MYLK: variants seen among roughly 807,000 people sequenced by gnomAD.
MYLK encodes the protein myosin light chain kinase, smooth muscle.
MYLK carries 106 observed loss-of-function variants against 203.4 expected under a neutral mutation model. That is an observed-to-expected ratio of 0.52 (90% CI 0.45 to 0.61). The LOEUF (loss-of-function observed/expected upper bound fraction) is 0.61, where lower values mean the gene tolerates loss of function less well. MYLK is among the 20% of genes least tolerant of loss of function. MYLK has a pLI of 0.00. For missense variants in MYLK, 2,072 were observed against 2,442.3 expected (o/e 0.85, Z 3.20); for synonymous variants, 867 against 959.5 (o/e 0.90, Z 1.78).
At position 123,618,743 on chromosome 3, in the gene MYLK, G is replaced by A; in HGVS notation, c.5396C>T (p.Ala1799Val). The A allele has an allele frequency of 1.2e-6, 2 of 1,614,152 alleles. No individual in the cohort carries two copies. Among genetic ancestry groups the A allele is most frequent in the Non-Finnish European group, 1.7e-6 (2 of 1,180,002 alleles). Reference sequence around the variant, plus strand: ...TACATGAGGCTTTTCCTCAGCAACAGCCTCAAGGAAAGCTTGGGACACATC... The same window carrying A: ...TACATGAGGCTTTTCCTCAGCAACAACCTCAAGGAAAGCTTGGGACACATC... Reference protein sequence around the residue: ...EEDVSQAFLEAVAEEKPHVKP... With the variant: ...EEDVSQAFLEVVAEEKPHVKP... Residue 1799 changes from alanine to valine, a missense_variant, in exon 33 of 34, where the codon GCT becomes GTT. Coordinates refer to ENST00000360304, the MANE Select transcript of MYLK (RefSeq NM_053025.4).
chr3:123,820,664 C>CTCCTTCCTTCCTTCCTTCCTTCCCTCCT, intron 3 of MYLK, among the ~76,000 whole-genome samples: 1 of 72,318 alleles, frequency 1.4e-5, no homozygotes, highest in South Asian at 4.2e-4. Context: ...CCTTCCTTCC[C>CTCCTTCCTTCCTTCCTTCCTTCCCTCCT]TCCTTCCTTC....
intron 2 of MYLK, among the ~76,000 whole-genome samples, chr3:123,867,600 T>C (rs879275382): frequency 8.6e-5 from 13 of 152,030 alleles, no homozygotes; most frequent in African/African-American, 3.1e-4. Context: ...TGGCAGCCAC[T>C]AGAAGCCAGA....
In MYLK at chr3:123,618,772, T is replaced by C. The variant is rs757266574; in HGVS notation, c.5369-2A>G. The C allele has an allele frequency of 3.7e-6, 6 of 1,614,078 alleles. No individual in the cohort carries two copies. Among genetic ancestry groups the C allele is most frequent in the Non-Finnish European group, 5.1e-6 (6 of 1,179,962 alleles). ...CAAGGAAAGCTTGGGACACATCTTC[T>C]AGAAGACAGAGAAGAAGACCAGGTC... On this transcript the variant is annotated splice_acceptor_variant, in intron 32 of 33. Coordinates refer to ENST00000360304, the MANE Select transcript of MYLK (RefSeq NM_053025.4). LOFTEE classifies it high-confidence loss of function.
Position 123,614,043 on chromosome 3 carries a change from TTG to T in MYLK, c.*60_*61del. The T allele has an allele frequency of 1.3e-6, 2 of 1,569,348 alleles. No individual in the cohort carries two copies. Among genetic ancestry groups the T allele is most frequent in the Admixed American group, 1.8e-5 (1 of 54,690 alleles). On this transcript the variant is annotated 3_prime_UTR_variant, in exon 34 of 34. Coordinates refer to ENST00000360304, the MANE Select transcript of MYLK (RefSeq NM_053025.4). The stretch of plus-strand genomic sequence containing the variant: ...ACTATCTTGAGTTTTTTTTTTTTTT[TTG>T]AGTTTTAGAGAAATAGTCCTTTTAA...
intron 5 of MYLK, among the ~76,000 whole-genome samples, chr3:123,744,638 G>T (rs975601074): frequency 1.3e-5 from 2 of 152,058 alleles, no homozygotes; most frequent in African/African-American, 4.8e-5. Flanking sequence ...AGGACTTCAA[G>T]GTAAAATCTC....
rs575812076 is a variant in MYLK, at chr3:123,640,881, C to T, written c.4620-377G>A. Among the ~76,000 whole-genome samples the T allele has an allele frequency of 1.3e-5, 2 of 152,318 alleles. No individual in the cohort carries two copies. Among genetic ancestry groups the T allele is most frequent in the East Asian group, 1.9e-4 (1 of 5,182 alleles). ...TAAGGGAACATTCTTGTACTCTAGCCGTGTCTTTTAGTCACAGGGAACTCA... is the reference window on the plus strand; with the variant it reads ...TAAGGGAACATTCTTGTACTCTAGCTGTGTCTTTTAGTCACAGGGAACTCA... On this transcript the variant is annotated intron_variant, in intron 27 of 33. Transcript: ENST00000360304. The surrounding 1 kb of genome is among the most constrained non-coding windows in gnomAD (Gnocchi z 4.3).
intron 18 of MYLK, among the ~76,000 whole-genome samples, chr3:123,695,550 T>C (rs1448154053): frequency 6.6e-6 from 1 of 152,184 alleles, no homozygotes; most frequent in African/African-American, 2.4e-5. Flanking sequence ...AGATAATATA[T>C]AGTTTCTGAA....
At chr3:123,799,643 G>A (rs754993954) in intron 3 of MYLK, among the ~76,000 whole-genome samples, 13 of 152,200 alleles carry the variant, frequency 8.5e-5, no homozygotes, top group East Asian at 3.9e-4. Context: ...AACCACCCAC[G>A]TGCAAATGCC....
Position 123,819,312 on chromosome 3 carries a change from C to T in MYLK, c.-4+12236G>A, listed in dbSNP as rs186835825. Among the ~76,000 whole-genome samples the T allele has an allele frequency of 2.6e-5, 4 of 152,280 alleles. No homozygotes were observed. In the East Asian group the frequency reaches 7.7e-4, roughly 29 times the overall value. ...CACTTACTGTTCATTACAGAGCTCT[C>T]AAGTTCCCTAGGCTCAGGAATTCTC... On this transcript the variant is annotated intron_variant, in intron 3 of 33. Transcript: ENST00000360304.
At chr3:123,726,142 C>A in intron 11 of MYLK, 64 bp from the exon 12 acceptor site, 1 of 1,605,354 alleles carries the variant, frequency 6.2e-7, no homozygotes, top group South Asian at 1.1e-5. Context: ...TGCCTGCAGT[C>A]ACCCCAGCCT....
chr3:123,822,127 G>A (rs1308623943), intron 3 of MYLK, among the ~76,000 whole-genome samples: 1 of 152,198 alleles, frequency 6.6e-6, no homozygotes, highest in Non-Finnish European at 1.5e-5. Flanking sequence ...CTGGCAAGAA[G>A]CCAGCCCTTG....
chr3:123,814,027 T>C (rs542851936), intron 3 of MYLK: 13 of 190,744 alleles, frequency 6.8e-5, no homozygotes, highest in African/African-American at 2.1e-4. Context: ...ATCACTCCCA[T>C]GTCTCCCTAA....
intron 5 of MYLK, among the ~76,000 whole-genome samples, chr3:123,747,336 C>T (rs188191128): frequency 1.3e-5 from 2 of 152,192 alleles, no homozygotes; most frequent in Admixed American, 1.3e-4. Context: ...GTCAGAGCCT[C>T]GGTCTGCACT....
chr3:123,623,234 T>G (rs1444955386), intron 31 of MYLK: 18 of 152,190 alleles, frequency 1.2e-4, no homozygotes, highest in Admixed American at 1.2e-3. Flanking sequence ...CGTGCTATAC[T>G]GAGTCCAGTG....
At chr3:123,865,259 T>C (rs2032247910) in intron 2 of MYLK, among the ~76,000 whole-genome samples, 1 of 152,148 alleles carries the variant, frequency 6.6e-6, no homozygotes, top group African/African-American at 2.4e-5. Context: ...CCTAGGAAAA[T>C]ACAGAAATTA....
At chr3:123,827,749 A>ATATATATATATATAT (rs1560269124) in intron 3 of MYLK, among the ~76,000 whole-genome samples, 1 of 103,558 alleles carries the variant, frequency 9.7e-6, no homozygotes, top group Non-Finnish European at 2.0e-5. Flanking sequence ...ATATATATAT[A>ATATATATATATATAT]AAGACTCTAC....
At chr3:123,855,615 G>A (rs2031294781) in intron 2 of MYLK, among the ~76,000 whole-genome samples, 1 of 151,548 alleles carries the variant, frequency 6.6e-6, no homozygotes, top group African/African-American at 2.4e-5. Context: ...CTCTAGCCTT[G>A]GTGATAGAGT....
intron 19 of MYLK, 58 bp from the exon 20 acceptor site, chr3:123,682,368 G>A (rs909933227): frequency 1.5e-6 from 2 of 1,358,882 alleles, no homozygotes; most frequent in African/African-American, 1.4e-5. Flanking sequence ...GAGCAAAGGG[G>A]GTCTCTCAGT....
At chr3:123,691,471 G>A (rs963140574) in intron 19 of MYLK, 1 of 152,208 alleles carries the variant, frequency 6.6e-6, no homozygotes, top group African/African-American at 2.4e-5. Context: ...AGTATTAGAT[G>A]AGTTCAGCTT....
Sources: allele counts gnomAD v4.1 joint callset (sites outside exome capture counted in the v4.1 genomes callset), GRCh38; gene constraint gnomAD v4.1.1; non-coding constraint Gnocchi (gnomAD v3.1); transcripts MANE v1.5; gene names NCBI Gene and HGNC (gene_info 2026-07-23, HGNC 2026-07-21).